UBR3: variants seen among roughly 807,000 people sequenced by gnomAD.
UBR3 encodes the protein ubiquitin protein ligase E3 component n-recognin 3, also known as E3 ubiquitin-protein ligase UBR3.
In UBR3, 85 loss-of-function variants were observed where a neutral mutation model predicts 243.2. That is an observed-to-expected ratio of 0.35 (90% CI 0.29 to 0.42). The LOEUF (loss-of-function observed/expected upper bound fraction) is 0.42. Ranked by LOEUF, UBR3 falls within the 10% of genes least tolerant of loss-of-function variation. UBR3 has a pLI of 1.00. For synonymous variants in UBR3, 748 were observed against 799.8 expected, an observed-to-expected ratio of 0.94 and a Z score of 1.09; for missense variants, 1,686 against 2,300.8, an observed-to-expected ratio of 0.73 and a Z score of 5.47.
chr2:169,987,384 C>G (rs1167286558), intron 25 of UBR3, among the ~76,000 whole-genome samples: 1 of 133,972 alleles, frequency 7.5e-6, no homozygotes, highest in Non-Finnish European at 1.6e-5. Flanking sequence ...CAGAGCAAGA[C>G]TCTGTCTCAA....
intron 26 of UBR3, among the ~76,000 whole-genome samples, chr2:169,999,376 G>C (rs2089610296): frequency 6.6e-6 from 1 of 152,216 alleles, no homozygotes; most frequent in Non-Finnish European, 1.5e-5. Flanking sequence ...TGGCTGGGAA[G>C]TCATTTTGTA....
chr2:170,039,388 T>TG (rs2090909531), intron 31 of UBR3, among the ~76,000 whole-genome samples: 1 of 150,208 alleles, frequency 6.7e-6, no homozygotes, highest in East Asian at 1.9e-4. Context: ...CCCCTACACT[T>TG]TTTTTTTTTA....
chr2:170,017,554 C>G (rs866298024), intron 30 of UBR3, among the ~76,000 whole-genome samples: 128 of 131,986 alleles, frequency 9.7e-4, no homozygotes, highest in African/African-American at 3.8e-3. Flanking sequence ...CAGACACACA[C>G]ACACACACAC....
At chr2:169,868,325 G>C (rs1050619686) in intron 1 of UBR3, among the ~76,000 whole-genome samples, 2 of 152,076 alleles carry the variant, frequency 1.3e-5, no homozygotes, top group Admixed American at 6.6e-5. Context: ...TAAAAGACAG[G>C]GAATTTACTT....
chr2:169,845,554 T>C (rs543682000), intron 1 of UBR3, among the ~76,000 whole-genome samples: 29 of 147,698 alleles, frequency 2.0e-4, no homozygotes, highest in African/African-American at 7.0e-4. Context: ...TCTTCTTCTT[T>C]CTTCTTCTTC....
chr2:169,911,250 A>G (rs1318706010), intron 10 of UBR3, among the ~76,000 whole-genome samples: 1 of 152,172 alleles, frequency 6.6e-6, no homozygotes, highest in African/African-American at 2.4e-5. Context: ...TCTGAGGAGA[A>G]AAATAAGCTG....
At chr2:170,035,472 A>G (rs2090799873) in intron 31 of UBR3, among the ~76,000 whole-genome samples, 2 of 151,952 alleles carry the variant, frequency 1.3e-5, no homozygotes, top group African/African-American at 4.8e-5. Context: ...AGTTGACTAT[A>G]ATTATGTGAA....
intron 8 of UBR3, among the ~76,000 whole-genome samples, chr2:169,900,767 G>T (rs2084790735): frequency 6.6e-6 from 1 of 150,502 alleles, no homozygotes; most frequent in Non-Finnish European, 1.5e-5. Context: ...TTAATAGCTA[G>T]CTTTCCTCAC....
chr2:170,022,857 T>C (rs1181552651), intron 30 of UBR3, among the ~76,000 whole-genome samples: 1 of 152,046 alleles, frequency 6.6e-6, no homozygotes, highest in Admixed American at 6.6e-5. Context: ...CAACCTTCTG[T>C]CTCTTGGGAA....
intron 23 of UBR3, among the ~76,000 whole-genome samples, chr2:169,955,857 G>GGA (rs1227694175): frequency 6.8e-6 from 1 of 146,680 alleles, no homozygotes; most frequent in Non-Finnish European, 1.5e-5. Flanking sequence ...ATTTCTCCAA[G>GGA]GAGTCCTGGT....
chr2:169,898,439 A>G (rs527248973), intron 8 of UBR3, among the ~76,000 whole-genome samples: 4 of 152,230 alleles, frequency 2.6e-5, no homozygotes, highest in South Asian at 2.1e-4. Flanking sequence ...ATATCACTTA[A>G]CCATCAATAA....
intron 20 of UBR3, among the ~76,000 whole-genome samples, chr2:169,945,855 C>G (rs1293544050): frequency 6.6e-6 from 1 of 152,168 alleles, no homozygotes. Context: ...AAATCCCACA[C>G]TGACATACAT....
intron 14 of UBR3, 23 bp downstream of exon 14, chr2:169,925,770 A>C: frequency 6.5e-7 from 1 of 1,534,786 alleles, no homozygotes; most frequent in Non-Finnish European, 8.8e-7. Context: ...GATAATGCAG[A>C]TATACTTTAG....
intron 5 of UBR3, among the ~76,000 whole-genome samples, chr2:169,880,054 A>G (rs7577998): frequency 0.98 from 148,767 of 152,272 alleles, 72,753 homozygotes; most frequent in East Asian, 1. Flanking sequence ...TTGCTCTAAG[A>G]GCATTTTGTG....
chr2:169,972,430 C>T (rs989176395), intron 24 of UBR3, among the ~76,000 whole-genome samples: 3 of 152,182 alleles, frequency 2.0e-5, no homozygotes, highest in African/African-American at 7.2e-5. Flanking sequence ...CAGCATCATT[C>T]TGATACCAAA....
chr2:170,001,224 G>T, intron 26 of UBR3, 80 bp from the exon 27 acceptor site: 1 of 995,978 alleles, frequency 1.0e-6, no homozygotes, highest in Middle Eastern at 3.1e-4. Context: ...TCATGCAGAG[G>T]TTTATGTGGA....
chr2:169,973,273 A>C (rs2088259742), intron 24 of UBR3, among the ~76,000 whole-genome samples: 1 of 140,388 alleles, frequency 7.1e-6, no homozygotes, highest in Non-Finnish European at 1.5e-5. Flanking sequence ...AGAGGATACA[A>C]ACAAATGGAA....
chr2:169,994,386 T>C lies in UBR3; in HGVS notation c.3848T>C (p.Ile1283Thr), dbSNP rs774202300. The change falls in exon 26 of 39, where the codon ATT becomes ACT. Residue 1283 changes from isoleucine to threonine, a missense_variant. Ile to Thr is a moderately conservative substitution (Grantham distance 89, BLOSUM62 -1). Around this residue, in one of 8 missense-constraint regions of UBR3, gnomAD observed 156 missense variants for 246.3 expected, o/e 0.63. Coordinates refer to ENST00000272793, the MANE Select transcript of UBR3 (RefSeq NM_172070.4). ...KKLPISEEEQ[I>T]YPWDTCAAVH... ...TTGCCGATCAGTGAAGAGGAGCAGA[T>C]TTACCCTTGGGATACCTGTGCAGCC... The C allele has an allele frequency of 6.2e-7, 1 of 1,614,164 alleles. No homozygotes were observed. The highest frequency in any genetic ancestry group is 8.5e-7 in the Non-Finnish European group (1 of 1,180,030).
chr2:169,880,388 T>C (rs544155611), intron 5 of UBR3, among the ~76,000 whole-genome samples: 2 of 152,372 alleles, frequency 1.3e-5, no homozygotes, highest in African/African-American at 4.8e-5. Context: ...AATTCTACTT[T>C]ATTTTCATGA....
Sources: gnomAD v4.1 joint callset for allele counts (sites outside exome capture counted in the v4.1 genomes callset) on GRCh38, gnomAD v4.1.1 for gene constraint, gnomAD v4.1.1 regional missense constraint, MANE v1.5 for transcripts, NCBI Gene and HGNC (gene_info 2026-07-23, HGNC 2026-07-21) for gene names.